LRBA: variants seen among roughly 807,000 people sequenced by gnomAD.
LRBA encodes LPS responsive beige-like anchor protein.
In LRBA, 176 loss-of-function variants were observed where a neutral mutation model predicts 330.0. The ratio of observed to expected loss-of-function variants is 0.53; its 90% confidence interval spans 0.47 to 0.60. The LOEUF (loss-of-function observed/expected upper bound fraction) is 0.60, where lower values mean the gene tolerates loss of function less well. LRBA is among the 20% of genes least tolerant of loss of function. The pLI is 0.00. For synonymous variants in LRBA, 1,230 were observed against 1,193.0 expected, an observed-to-expected ratio of 1.03 and a Z score of -0.64; for missense variants, 3,259 against 3,444.8, an observed-to-expected ratio of 0.95 and a Z score of 1.35.
At chr4:150,750,344 G>A (rs1422300559) in intron 35 of LRBA, among the ~76,000 whole-genome samples, 8 of 152,136 alleles carry the variant, frequency 5.3e-5, no homozygotes, top group Non-Finnish European at 1.2e-4. Flanking sequence ...GATAAAAAAT[G>A]AGTGCCATAA....
rs373521725 is a variant in LRBA at position 150,752,970 on chromosome 4, C to T, written c.5645+8813G>A. On this transcript the variant is annotated intron_variant, in intron 35 of 56. Coordinates refer to ENST00000651943, the MANE Select transcript of LRBA (RefSeq NM_001364905.1). ...TAGAGAAATGGCTCTCCTGACTCTC[C>T]ACTTGGAATTCAGTTTATTTGGAAT... Among the ~76,000 whole-genome samples, 68 of 152,262 alleles carry T rather than the reference C, an allele frequency of 4.5e-4. 1 individual carries two copies. In the South Asian group the frequency reaches 0.014, roughly 31 times the overall value.
chr4:150,800,235 A>T (rs905470707), intron 33 of LRBA, among the ~76,000 whole-genome samples: 3 of 152,244 alleles, frequency 2.0e-5, no homozygotes. Flanking sequence ...AACATTTCAT[A>T]GTTCGGTTTG....
chr4:150,873,792 T>C (rs1488022402), intron 17 of LRBA, among the ~76,000 whole-genome samples: 1 of 152,132 alleles, frequency 6.6e-6, no homozygotes, highest in East Asian at 1.9e-4. Context: ...AATTTTGGTG[T>C]TTAGTAAGTT....
chr4:150,460,729 A>C (rs1196955251), intron 44 of LRBA, among the ~76,000 whole-genome samples: 1 of 151,828 alleles, frequency 6.6e-6, no homozygotes, highest in Non-Finnish European at 1.5e-5. Flanking sequence ...CCAAAATAAC[A>C]GCTCATTTTG....
chr4:150,562,920 C>T (rs1042838103), intron 40 of LRBA, among the ~76,000 whole-genome samples: 2 of 152,012 alleles, frequency 1.3e-5, no homozygotes, highest in Non-Finnish European at 2.9e-5. Flanking sequence ...TTATCTCAGC[C>T]TCTCAAGTAG....
intron 36 of LRBA, among the ~76,000 whole-genome samples, chr4:150,701,285 G>C (rs1785094934): frequency 6.6e-6 from 1 of 152,054 alleles, no homozygotes; most frequent in South Asian, 2.1e-4. Flanking sequence ...CCTGACTGAG[G>C]CTGTTCTACA....
chr4:150,486,106 A>G (rs1471853394), intron 42 of LRBA, among the ~76,000 whole-genome samples: 2 of 151,960 alleles, frequency 1.3e-5, no homozygotes, highest in African/African-American at 4.8e-5. Flanking sequence ...ACACACACAA[A>G]GGTAACTGTG....
At chr4:150,954,817 C>CAAAAAAAAAAAA (rs34282784) in intron 2 of LRBA, among the ~76,000 whole-genome samples, 19 of 45,524 alleles carry the variant, frequency 4.2e-4, no homozygotes, top group African/African-American at 6.8e-4. Context: ...ACTCAGAAAT[C>CAAAAAAAAAAAA]AAAAAAAAAA....
intron 35 of LRBA, among the ~76,000 whole-genome samples, chr4:150,745,844 G>A (rs532419072): frequency 2.6e-5 from 4 of 152,176 alleles, no homozygotes; most frequent in Admixed American, 1.3e-4. Context: ...CTATTTTCAA[G>A]AGAACCGAAA....
intron 34 of LRBA, among the ~76,000 whole-genome samples, chr4:150,767,592 T>C (rs958387440): frequency 6.6e-6 from 1 of 151,130 alleles, no homozygotes; most frequent in African/African-American, 2.4e-5. Flanking sequence ...ATCCCATCTC[T>C]ACTAAAAATA....
At chr4:150,729,584 C>T (rs1280200811) in intron 36 of LRBA, among the ~76,000 whole-genome samples, 3 of 152,114 alleles carry the variant, frequency 2.0e-5, no homozygotes, top group Non-Finnish European at 2.9e-5. Flanking sequence ...AAGTAATCTA[C>T]AGATTCAATG....
chr4:150,872,997 T>C (rs1579060609), intron 17 of LRBA, among the ~76,000 whole-genome samples: 1 of 152,140 alleles, frequency 6.6e-6, no homozygotes, highest in African/African-American at 2.4e-5. Flanking sequence ...CACATACTTA[T>C]ATGTAACGTG....
chr4:150,622,847 G>A (rs949872154), intron 37 of LRBA, among the ~76,000 whole-genome samples: 12 of 152,092 alleles, frequency 7.9e-5, no homozygotes, highest in African/African-American at 1.9e-4. Context: ...ACAGGCGCCC[G>A]CCACCGCGCC....
chr4:150,686,704 T>C (rs1178665704), intron 36 of LRBA, among the ~76,000 whole-genome samples: 1 of 152,136 alleles, frequency 6.6e-6, no homozygotes, highest in Non-Finnish European at 1.5e-5. Context: ...AATCTACTGA[T>C]GAGATTTAGA....
chr4:150,921,943 C>A lies in LRBA; in HGVS notation c.550-650G>T, dbSNP rs1281094447. Among the ~76,000 whole-genome samples the A allele has an allele frequency of 5.9e-5, 9 of 152,182 alleles. No individual in the cohort carries two copies. In the East Asian group the frequency reaches 1.5e-3, roughly 26 times the overall value. On this transcript the variant is annotated intron_variant, in intron 4 of 56. Coordinates refer to ENST00000651943, the MANE Select transcript of LRBA (RefSeq NM_001364905.1). ...GTTTCTCCATGTTGGTCAGGCTGGT[C>A]TCGAACCAACCTCAGGTGATCCACC... is the stretch of plus-strand genomic sequence containing the variant.
chr4:150,430,954 A>G (rs1750303342), intron 46 of LRBA, among the ~76,000 whole-genome samples: 1 of 151,142 alleles, frequency 6.6e-6, no homozygotes. Context: ...TATCAACACT[A>G]AAGGAATCTG....
At chr4:150,690,354 G>A (rs961343891) in intron 36 of LRBA, among the ~76,000 whole-genome samples, 1 of 151,772 alleles carries the variant, frequency 6.6e-6, no homozygotes, top group African/African-American at 2.4e-5. Context: ...TACAAAAAAA[G>A]TAGTTTGGCA....
chr4:150,562,543 A>G (rs1308643136), intron 40 of LRBA, among the ~76,000 whole-genome samples: 1 of 152,202 alleles, frequency 6.6e-6, no homozygotes, highest in African/African-American at 2.4e-5. Context: ...GACAGAGGAG[A>G]AAGTAAGGTC....
intron 8 of LRBA, 146 bp from the exon 9 acceptor site, chr4:150,914,487 G>T: frequency 1.8e-6 from 1 of 545,652 alleles, no homozygotes; most frequent in African/African-American, 1.9e-5. Context: ...CCATTAGAAA[G>T]AATGTTGAAA....
Sources: allele counts gnomAD v4.1 joint callset (sites outside exome capture counted in the v4.1 genomes callset), GRCh38; gene constraint gnomAD v4.1.1; transcripts MANE v1.5; gene names NCBI Gene and HGNC (gene_info 2026-07-23, HGNC 2026-07-21).